The following TEKT5 variants were observed in gnomAD, a reference collection of about 807,000 sequenced individuals.
The protein encoded by TEKT5 is tektin 5.
TEKT5 carries 52 observed loss-of-function variants against 48.7 expected under a neutral mutation model. The observed-to-expected ratio is 1.07, with a 90% CI of 0.86 to 1.35. The LOEUF (loss-of-function observed/expected upper bound fraction) is 1.35. TEKT5 is among the 40% of genes most tolerant of loss of function. The pLI is 0.00. For missense variants in TEKT5, 831 were observed against 641.6 expected, an observed-to-expected ratio of 1.30 and a Z score of -3.19; for synonymous variants, 318 against 267.6, an observed-to-expected ratio of 1.19 and a Z score of -1.84.
chr16:10,640,787 T>C (rs752117884), intron 5 of TEKT5, among the ~76,000 whole-genome samples: 4 of 152,220 alleles, frequency 2.6e-5, no homozygotes, highest in Non-Finnish European at 5.9e-5. Flanking sequence ...TGAGAATTAT[T>C]CATGTTGTTG....
At chr16:10,643,718 T>C (rs1898028257) in intron 5 of TEKT5, among the ~76,000 whole-genome samples, 1 of 152,250 alleles carries the variant, frequency 6.6e-6, no homozygotes, top group Admixed American at 6.5e-5. Flanking sequence ...ATCAAAGTAT[T>C]ATGCATTACA....
chr16:10,633,928 G>A (rs993023684), intron 6 of TEKT5, among the ~76,000 whole-genome samples: 1 of 152,070 alleles, frequency 6.6e-6, no homozygotes. Flanking sequence ...GGCGGTAACT[G>A]AGGCTGTGCA....
At chr16:10,690,174 G>C (rs1231994705) in intron 1 of TEKT5, 149 bp from the exon 2 acceptor site, 1 of 705,890 alleles carries the variant, frequency 1.4e-6, no homozygotes, top group Non-Finnish European at 2.3e-6. Context: ...GCATTGGATG[G>C]GCTTCTGCCT....
chr16:10,673,971 T>C (rs1488600195), intron 5 of TEKT5, among the ~76,000 whole-genome samples: 2 of 152,024 alleles, frequency 1.3e-5, no homozygotes, highest in Non-Finnish European at 2.9e-5. Context: ...ATTCTTAACC[T>C]CTGCGTCCCT....
chr16:10,683,831 G>A (rs1267397247), intron 3 of TEKT5, among the ~76,000 whole-genome samples: 4 of 152,184 alleles, frequency 2.6e-5, no homozygotes, highest in African/African-American at 9.7e-5. Flanking sequence ...GACCTCAGGC[G>A]ATCCGCCTGC....
At position 10,654,731 on chromosome 16, in the gene TEKT5, T is replaced by C. The variant is rs551892148; in HGVS notation, c.1087-18813A>G. On this transcript the variant is annotated intron_variant, in intron 5 of 6. Transcript: ENST00000283025. The stretch of plus-strand genomic sequence containing the variant: ...AACTCAATTACACCACCAGGTTTCC[T>C]GGGTCTCCAGCATGCAGACCACAGG... Among the ~76,000 whole-genome samples, 7 of 152,306 alleles carry C rather than the reference T, an allele frequency of 4.6e-5. No individual in the cohort carries two copies. In the East Asian group the frequency reaches 1.2e-3, roughly 25 times the overall value.
At chr16:10,688,852 A>G (rs1383609532) in intron 3 of TEKT5, among the ~76,000 whole-genome samples, 1 of 152,090 alleles carries the variant, frequency 6.6e-6, no homozygotes, top group Non-Finnish European at 1.5e-5. Context: ...AATACCACCC[A>G]CCCTCTGTCA....
Position 10,628,014 on chromosome 16 carries a change from AT to A in TEKT5, c.1242-216del, listed in dbSNP as rs5815592. Among the ~76,000 whole-genome samples the A allele has an allele frequency of 8.9e-4, 132 of 147,534 alleles. 1 individual carries two copies. The highest frequency in any genetic ancestry group is 6.6e-3 in the East Asian group (33 of 5,016). ...ACCACAACACCCAGCTAATTTTTGTATTTTTTTTTTTATTAGAGGCAGGGTT... is the reference window on the plus strand; with the variant it reads ...ACCACAACACCCAGCTAATTTTTGTATTTTTTTTTTATTAGAGGCAGGGTT... On this transcript the variant is annotated intron_variant, in intron 6 of 6. Coordinates refer to ENST00000283025, the MANE Select transcript of TEKT5 (RefSeq NM_144674.2).
intron 1 of TEKT5, chr16:10,690,511 A>G (rs1007207705): frequency 1.1e-6 from 1 of 942,226 alleles, no homozygotes; most frequent in Non-Finnish European, 1.3e-6. Flanking sequence ...TGGGTGCCAT[A>G]TTGGTGCCTA....
intron 5 of TEKT5, among the ~76,000 whole-genome samples, chr16:10,655,604 G>C (rs532784455): frequency 1.3e-5 from 2 of 152,136 alleles, no homozygotes; most frequent in Non-Finnish European, 2.9e-5. Context: ...AGGCTCCCTT[G>C]TAGCTCCAGG....
At chr16:10,693,896 G>A (rs1188088167) in intron 1 of TEKT5, among the ~76,000 whole-genome samples, 1 of 152,202 alleles carries the variant, frequency 6.6e-6, no homozygotes, top group Non-Finnish European at 1.5e-5. Flanking sequence ...CTTGAACCCA[G>A]GAGGCGGAAG....
chr16:10,661,761 T>C (rs529878937), intron 5 of TEKT5, among the ~76,000 whole-genome samples: 2 of 152,020 alleles, frequency 1.3e-5, no homozygotes, highest in Non-Finnish European at 2.9e-5. Flanking sequence ...AGAAGAGAGG[T>C]TGGGGAGCCA....
chr16:10,691,620 T>C (rs1898978385), intron 1 of TEKT5, among the ~76,000 whole-genome samples: 1 of 151,884 alleles, frequency 6.6e-6, no homozygotes, highest in African/African-American at 2.4e-5. Flanking sequence ...ACAGGGGTTA[T>C]GGGGAGGGGT....
intron 5 of TEKT5, among the ~76,000 whole-genome samples, chr16:10,650,236 G>A (rs1285407047): frequency 6.6e-6 from 1 of 151,704 alleles, no homozygotes; most frequent in Admixed American, 6.6e-5. Flanking sequence ...CAGTAGCTGG[G>A]ATTACAGGTG....
chr16:10,659,775 G>C (rs948716747), intron 5 of TEKT5, among the ~76,000 whole-genome samples: 1 of 152,152 alleles, frequency 6.6e-6, no homozygotes, highest in African/African-American at 2.4e-5. Flanking sequence ...TTAGTGTTAC[G>C]ATAGCTTAAA....
intron 5 of TEKT5, among the ~76,000 whole-genome samples, chr16:10,642,171 C>G (rs570875130): frequency 6.6e-6 from 1 of 152,296 alleles, no homozygotes; most frequent in African/African-American, 2.4e-5. Context: ...ATATCTGAGG[C>G]CTTGCTGACC....
intron 5 of TEKT5, among the ~76,000 whole-genome samples, chr16:10,663,853 C>T (rs1006441114): frequency 1.3e-5 from 2 of 152,200 alleles, no homozygotes; most frequent in African/African-American, 4.8e-5. Context: ...ACCACTACTC[C>T]AGGAGATAAA....
chr16:10,676,271 G>A, intron 4 of TEKT5, 90 bp from the exon 5 acceptor site: 1 of 1,271,488 alleles, frequency 7.9e-7, no homozygotes, highest in Non-Finnish European at 1.1e-6. Flanking sequence ...CTCTGGGTCG[G>A]GATTATTCTC....
intron 6 of TEKT5, among the ~76,000 whole-genome samples, chr16:10,630,757 A>G (rs2355218): frequency 0.91 from 138,513 of 152,266 alleles, 63,057 homozygotes; most frequent in African/African-American, 0.92. Flanking sequence ...GGTGACTCAC[A>G]CTTGTAATCC....
Sources: gnomAD v4.1 joint callset for allele counts (sites outside exome capture counted in the v4.1 genomes callset) on GRCh38, gnomAD v4.1.1 for gene constraint, MANE v1.5 for transcripts, NCBI Gene and HGNC (gene_info 2026-07-23, HGNC 2026-07-21) for gene names.